Variants in SGCG observed in about 807,000 individuals in gnomAD.
The protein encoded by SGCG is sarcoglycan gamma, also known as gamma-sarcoglycan.
In SGCG, 26 loss-of-function variants were observed where a neutral mutation model predicts 29.3. The observed-to-expected ratio is 0.89, with a 90% CI of 0.65 to 1.23. The LOEUF (loss-of-function observed/expected upper bound fraction) is 1.23, where lower values mean the gene tolerates loss of function less well. Ranked by LOEUF, SGCG falls within the 50% of genes most tolerant of loss-of-function variation. The pLI is 0.00. For synonymous variants in SGCG, 145 were observed against 129.7 expected (o/e 1.12, Z -0.80); for missense variants, 353 against 356.0 (o/e 0.99, Z 0.07).
At chr13:23,261,968 T>C (rs1366013790) in intron 4 of SGCG, among the ~76,000 whole-genome samples, 2 of 152,114 alleles carry the variant, frequency 1.3e-5, no homozygotes, top group African/African-American at 4.8e-5. Flanking sequence ...TGATGGAATT[T>C]GTCAGCACTA....
At chr13:23,274,362 A>G (rs549622061) in intron 4 of SGCG, among the ~76,000 whole-genome samples, 1 of 148,808 alleles carries the variant, frequency 6.7e-6, no homozygotes, top group East Asian at 2.0e-4. Context: ...GCCTTTAAGT[A>G]ATGCAAGGGT....
chr13:23,315,039 G>A (rs1402678363), intron 6 of SGCG, among the ~76,000 whole-genome samples: 3 of 152,240 alleles, frequency 2.0e-5, no homozygotes, highest in East Asian at 3.8e-4. Flanking sequence ...TGACTCAGCA[G>A]ATCCAATGGT....
chr13:23,319,161 G>A (rs1340288435), intron 6 of SGCG, among the ~76,000 whole-genome samples: 1 of 152,118 alleles, frequency 6.6e-6, no homozygotes, highest in Non-Finnish European at 1.5e-5. Context: ...AGCTGGACAC[G>A]GTGGCGGGTG....
intron 6 of SGCG, among the ~76,000 whole-genome samples, chr13:23,297,220 A>G (rs1239380845): frequency 7.8e-6 from 1 of 127,908 alleles, no homozygotes; most frequent in Non-Finnish European, 1.7e-5. Context: ...TCAAACACAG[A>G]CAATCTTTTA....
intron 5 of SGCG, among the ~76,000 whole-genome samples, chr13:23,283,175 TA>T (rs1229274737): frequency 1.3e-5 from 2 of 152,182 alleles, no homozygotes; most frequent in Admixed American, 6.5e-5. Flanking sequence ...ATATCCTTGT[TA>T]ATTTTCTGTC....
chr13:23,248,962 G>A (rs1200245810), intron 3 of SGCG, among the ~76,000 whole-genome samples: 2 of 141,006 alleles, frequency 1.4e-5, no homozygotes, highest in Admixed American at 1.5e-4. Flanking sequence ...GTGCACTCCA[G>A]CCTGGGCGAC....
At chr13:23,271,036 A>G (rs1880856247) in intron 4 of SGCG, among the ~76,000 whole-genome samples, 1 of 151,968 alleles carries the variant, frequency 6.6e-6, no homozygotes, top group Non-Finnish European at 1.5e-5. Flanking sequence ...ATATGGAGAA[A>G]CCCCGTCTCT....
intron 4 of SGCG, among the ~76,000 whole-genome samples, chr13:23,252,951 G>A (rs1003125020): frequency 6.6e-6 from 1 of 152,124 alleles, no homozygotes; most frequent in Non-Finnish European, 1.5e-5. Context: ...GTTTCCACTG[G>A]CCCTCCTCTC....
chr13:23,258,096 A>G (rs11617564), intron 4 of SGCG, among the ~76,000 whole-genome samples: 54,889 of 152,026 alleles, frequency 0.36, 10,653 homozygotes, highest in South Asian at 0.5. Flanking sequence ...AGTCATTGGT[A>G]GCTTGATGGG....
At chr13:23,188,311 C>CTTTTTTT (rs71100159) in intron 1 of SGCG, among the ~76,000 whole-genome samples, 1 of 78,352 alleles carries the variant, frequency 1.3e-5, no homozygotes, top group African/African-American at 4.9e-5. Context: ...TTTACTAAGG[C>CTTTTTTT]TTTTTTTTTT....
intron 1 of SGCG, among the ~76,000 whole-genome samples, chr13:23,187,470 G>T (rs12429406): frequency 6.6e-6 from 1 of 152,258 alleles, no homozygotes; most frequent in African/African-American, 2.4e-5. Context: ...CTGTAGCTTT[G>T]TCAGCGAGGA....
the SGCG span, among the ~76,000 whole-genome samples, chr13:23,175,117 T>C: frequency 6.6e-6 from 1 of 152,152 alleles, no homozygotes; most frequent in Non-Finnish European, 1.5e-5. Flanking sequence ...AAAGAGGTGA[T>C]AGAACTACAT....
chr13:23,161,746 CAT>C, the SGCG span, among the ~76,000 whole-genome samples: 3 of 152,234 alleles, frequency 2.0e-5, no homozygotes, highest in Non-Finnish European at 2.9e-5. Context: ...CATCCATCCA[CAT>C]GTGTTAAAAT....
intron 4 of SGCG, among the ~76,000 whole-genome samples, chr13:23,272,572 G>A (rs1375488177): frequency 6.6e-6 from 1 of 151,976 alleles, no homozygotes; most frequent in Non-Finnish European, 1.5e-5. Context: ...AGAATTTTTT[G>A]CATTCATGAG....
At chr13:23,188,352 G>C (rs1485330438) in intron 1 of SGCG, among the ~76,000 whole-genome samples, 2 of 111,724 alleles carry the variant, frequency 1.8e-5, no homozygotes, top group African/African-American at 3.4e-5. Context: ...TGAGATAAGA[G>C]TCTTGCTCTG....
At chr13:23,164,806 C>G in the SGCG span, among the ~76,000 whole-genome samples, 1,634 of 152,308 alleles carry the variant, frequency 0.011, 33 homozygotes, top group African/African-American at 0.037. Context: ...CTCCCTACCA[C>G]TCACAGCAGA....
Position 23,285,908 on chromosome 13 carries a change from C to T in SGCG, c.505+6430C>T, listed in dbSNP as rs190181480. Among the ~76,000 whole-genome samples the T allele has an allele frequency of 6.2e-4, 95 of 152,308 alleles. 1 individual carries two copies. In the East Asian group the frequency reaches 0.014, roughly 22 times the overall value. ...CTTCCCAAGTGAGGCAACACCCCAC[C>T]CTGCTTTGGCTCACCCTCCGTGGGC... is the stretch of plus-strand genomic sequence containing the variant. On this transcript the variant is annotated intron_variant, in intron 5 of 7. Transcript: ENST00000218867.
the SGCG span, chr13:23,169,910 A>T: frequency 2.6e-5 from 4 of 152,148 alleles, no homozygotes; most frequent in Admixed American, 6.6e-5. Flanking sequence ...GCATGCCTTG[A>T]TCCATGGCCT....
At chr13:23,267,966 A>G (rs1880704876) in intron 4 of SGCG, 1 of 152,364 alleles carries the variant, frequency 6.6e-6, no homozygotes, top group South Asian at 2.1e-4. Context: ...TAGAAGAAGA[A>G]GAAGAAATAA....
Sources: allele counts gnomAD v4.1 joint callset (sites outside exome capture counted in the v4.1 genomes callset), GRCh38; gene constraint gnomAD v4.1.1; transcripts MANE v1.5; gene names NCBI Gene and HGNC (gene_info 2026-07-23, HGNC 2026-07-21).